The following RCAN2 variants were observed in gnomAD, a reference collection of about 807,000 sequenced individuals.
RCAN2 encodes the protein calcipressin-2.
In RCAN2, 9 loss-of-function variants were observed where a neutral mutation model predicts 23.6. The ratio of observed to expected loss-of-function variants is 0.38; its 90% confidence interval spans 0.23 to 0.67. The LOEUF is 0.67. RCAN2 is among the 30% of genes least tolerant of loss of function. The pLI is 0.51. For missense variants in RCAN2, 273 were observed against 302.3 expected (o/e 0.90, Z 0.72); for synonymous variants, 109 against 115.7 (o/e 0.94, Z 0.37).
At chr6:46,227,708 A>G (rs1765722437) in intron 4 of RCAN2, among the ~76,000 whole-genome samples, 1 of 151,500 alleles carries the variant, frequency 6.6e-6, no homozygotes, top group South Asian at 2.1e-4. Context: ...TGGTCTATCA[A>G]TTTTGTTGAT....
intron 1 of RCAN2, among the ~76,000 whole-genome samples, chr6:46,472,025 G>C (rs900938799): frequency 6.6e-6 from 1 of 152,204 alleles, no homozygotes; most frequent in Non-Finnish European, 1.5e-5. Flanking sequence ...CTGTAAGGAA[G>C]TGGGTGGAGA....
intron 1 of RCAN2, among the ~76,000 whole-genome samples, chr6:46,481,271 T>C (rs1768853869): frequency 1.3e-5 from 2 of 152,222 alleles, no homozygotes; most frequent in South Asian, 4.1e-4. Context: ...GCACACCTGA[T>C]TCATAGTAGA....
intron 1 of RCAN2, among the ~76,000 whole-genome samples, chr6:46,483,979 T>A (rs888903949): frequency 6.6e-6 from 1 of 152,246 alleles, no homozygotes; most frequent in Non-Finnish European, 1.5e-5. Flanking sequence ...GGTGCTGATA[T>A]CTGTAATCAA....
intron 1 of RCAN2, among the ~76,000 whole-genome samples, chr6:46,489,582 C>G (rs893480717): frequency 3.9e-5 from 6 of 152,246 alleles, no homozygotes; most frequent in Non-Finnish European, 5.9e-5. Context: ...CCGTGATGTG[C>G]ACTTACAAAT....
chr6:46,491,629 C>T (rs1300760939), upstream of RCAN2, among the ~76,000 whole-genome samples: 1 of 152,028 alleles, frequency 6.6e-6, no homozygotes, highest in Non-Finnish European at 1.5e-5. Flanking sequence ...ACCGCACCTC[C>T]GGGGCTCTCA....
rs115597635 is a variant in RCAN2, at chr6:46,418,475, G to A, written c.225+38277C>T. Among the ~76,000 whole-genome samples the A allele has an allele frequency of 6.3e-3, 960 of 151,690 alleles. 10 individuals carry two copies. The highest frequency in any genetic ancestry group is 0.022 in the African/African-American group (922 of 41,360). On this transcript the variant is annotated intron_variant, in intron 2 of 4. Transcript: ENST00000371374. ...TATCCCACCCCTCCTTACAATCAGT[G>A]CCTTGTAACCACCCTTTAATGACTA... is the stretch of plus-strand genomic sequence containing the variant.
chr6:46,343,322 C>A (rs1012804744), intron 2 of RCAN2, among the ~76,000 whole-genome samples: 1 of 151,706 alleles, frequency 6.6e-6, no homozygotes, highest in Non-Finnish European at 1.5e-5. Context: ...TGAAGGTAAA[C>A]CCTTATGTAT....
chr6:46,481,992 G>A (rs116696160), intron 1 of RCAN2, among the ~76,000 whole-genome samples: 1,426 of 118,184 alleles, frequency 0.012, 20 homozygotes, highest in African/African-American at 0.033. Context: ...CTAAAAGCAA[G>A]AAGAGGCATA....
chr6:46,409,588 T>C (rs1414321004), intron 2 of RCAN2, among the ~76,000 whole-genome samples: 1 of 152,202 alleles, frequency 6.6e-6, no homozygotes, highest in Non-Finnish European at 1.5e-5. Flanking sequence ...TATATCTTCA[T>C]CTATAACAGG....
intron 2 of RCAN2, among the ~76,000 whole-genome samples, chr6:46,275,707 A>G (rs894101845): frequency 1.3e-5 from 2 of 152,226 alleles, no homozygotes; most frequent in Non-Finnish European, 2.9e-5. Flanking sequence ...CTACACAGCT[A>G]TTGAGACACA....
chr6:46,391,820 T>C (rs1211086710), intron 2 of RCAN2, among the ~76,000 whole-genome samples: 1 of 152,152 alleles, frequency 6.6e-6, no homozygotes, highest in Non-Finnish European at 1.5e-5. Context: ...TGTGTGTTTG[T>C]GTTTACCTGA....
intron 4 of RCAN2, among the ~76,000 whole-genome samples, chr6:46,239,940 T>A (rs2150313297): frequency 6.6e-6 from 1 of 151,956 alleles, no homozygotes; most frequent in East Asian, 1.9e-4. Context: ...AGAAGCAGAA[T>A]CCCGGAGGGA....
chr6:46,410,092 A>T (rs1766505611), intron 2 of RCAN2, among the ~76,000 whole-genome samples: 1 of 152,138 alleles, frequency 6.6e-6, no homozygotes, highest in African/African-American at 2.4e-5. Context: ...CTCCAGCCTT[A>T]GAATTCTGGT....
intron 2 of RCAN2, among the ~76,000 whole-genome samples, chr6:46,399,233 G>A (rs545675404): frequency 2.6e-5 from 4 of 151,982 alleles, no homozygotes; most frequent in Non-Finnish European, 5.9e-5. Context: ...TGCCAAGATC[G>A]CTGATCTTTC....
intron 2 of RCAN2, among the ~76,000 whole-genome samples, chr6:46,263,493 GTATGTGTGTA>G (rs1767195947): frequency 7.2e-5 from 9 of 124,200 alleles, no homozygotes; most frequent in East Asian, 4.5e-4. Flanking sequence ...GTGTGTGTGT[GTATGTGTGTA>G]TGTGTGTGTA....
chr6:46,386,369 C>T (rs12110432), intron 2 of RCAN2, among the ~76,000 whole-genome samples: 28 of 151,416 alleles, frequency 1.8e-4, no homozygotes, highest in Non-Finnish European at 2.4e-4. Flanking sequence ...GAGGCCAAGG[C>T]GAGTGAATCA....
Position 46,491,198 on chromosome 6 carries a change from C to G in RCAN2, c.-28G>C, listed in dbSNP as rs930332982. The stretch of plus-strand genomic sequence containing the variant: ...CTGCTGGGCGTCCGCGATGCGCCGG[C>G]GGAGGCGGAGGCGGAGGCGGCGGCT... On this transcript the variant is annotated 5_prime_UTR_variant, in exon 1 of 5. Transcript: ENST00000371374. 9.9e-5 allele frequency: 15 copies of G among 151,418 alleles called. No individual in the cohort carries two copies. The highest frequency in any genetic ancestry group is 3.7e-4 in the African/African-American group (15 of 40,928). The allele number at this position is 151,418 out of a possible 1,614,324, so 9.4% of individuals were successfully genotyped here.
intron 1 of RCAN2, among the ~76,000 whole-genome samples, chr6:46,486,739 A>C (rs1768999799): frequency 6.6e-6 from 1 of 152,200 alleles, no homozygotes; most frequent in South Asian, 2.1e-4. Flanking sequence ...AGTAAGTTGA[A>C]TATAGAAGAT....
intron 4 of RCAN2, among the ~76,000 whole-genome samples, chr6:46,242,675 G>C (rs1766348821): frequency 1.3e-5 from 2 of 152,178 alleles, no homozygotes; most frequent in Admixed American, 1.3e-4. Flanking sequence ...ATTTGTTACT[G>C]AAATGATTCT....
Sources: gnomAD v4.1 joint callset for allele counts (sites outside exome capture counted in the v4.1 genomes callset) on GRCh38, gnomAD v4.1.1 for gene constraint, MANE v1.5 for transcripts, NCBI Gene and HGNC (gene_info 2026-07-23, HGNC 2026-07-21) for gene names.